The following CUX1 variants were observed in gnomAD, a reference collection of about 807,000 sequenced individuals.
CUX1 encodes cut like homeobox 1.
In CUX1, 31 loss-of-function variants were observed where a neutral mutation model predicts 158.8. That is an observed-to-expected ratio of 0.20 (90% CI 0.15 to 0.26). The LOEUF (loss-of-function observed/expected upper bound fraction) is 0.26, where lower values mean the gene tolerates loss of function less well. Ranked by LOEUF, CUX1 falls within the 10% of genes least tolerant of loss-of-function variation. The pLI is 1.00. For missense variants in CUX1, 1,589 were observed against 2,014.6 expected (o/e 0.79, Z 4.04); for synonymous variants, 879 against 862.1 (o/e 1.02, Z -0.34).
chr7:101,902,095 C>T (rs1802210455), intron 1 of CUX1, among the ~76,000 whole-genome samples: 2 of 152,192 alleles, frequency 1.3e-5, no homozygotes, highest in South Asian at 2.1e-4. Flanking sequence ...CTGATGACCT[C>T]GCCCCCTGTT....
Position 102,147,961 on chromosome 7 carries a change from G to A in CUX1, c.675-10599G>A, listed in dbSNP as rs575663257. ...ACTGCCCTCCAGCCTGGGTGACAGA[G>A]CGAGACTCCGTCTCAAAAATAAATA... On this transcript the variant is annotated intron_variant, in intron 8 of 23. Coordinates refer to ENST00000292535, the MANE Select transcript of CUX1 (RefSeq NM_181552.4). Among the ~76,000 whole-genome samples the A allele has an allele frequency of 2.2e-3, 337 of 152,324 alleles. 1 individual carries two copies. The highest frequency in any genetic ancestry group is 7.7e-3 in the African/African-American group (322 of 41,570).
At chr7:102,262,667 G>A (rs1375948374), downstream of CUX1, among the ~76,000 whole-genome samples, 2 of 152,144 alleles carry the variant, frequency 1.3e-5, no homozygotes, top group African/African-American at 4.8e-5. Flanking sequence ...GTGATGGGGT[G>A]GGACTGAGCC....
intron 5 of CUX1, among the ~76,000 whole-genome samples, chr7:102,102,473 C>T (rs1256134105): frequency 2.0e-5 from 3 of 149,248 alleles, no homozygotes; most frequent in Admixed American, 6.7e-5. Context: ...CACTAAGCCG[C>T]GTGGGTGTTA....
In CUX1 at chr7:101,932,506, A is replaced by G. The variant is rs80227294; in HGVS notation, c.141+16281A>G. On this transcript the variant is annotated intron_variant, in intron 2 of 23. Transcript: ENST00000292535. ...CGCAGCATTTTCAAGCCTTTTCTTG[A>G]GATCAGCTCGTTCAGTTACATGTGC... 1,499 of 428,704 alleles carry G rather than the reference A, an allele frequency of 3.5e-3. 7 individuals are homozygous for G. Among genetic ancestry groups the G allele is most frequent in the Non-Finnish European group, 5.8e-3 (1,206 of 209,354 alleles). The allele number at this position is 428,704 out of a possible 1,614,324, so 26.6% of individuals were successfully genotyped here.
At chr7:102,177,413 C>CA (rs1219318950) in intron 10 of CUX1, among the ~76,000 whole-genome samples, 1,794 of 105,966 alleles carry the variant, frequency 0.017, 25 homozygotes, top group African/African-American at 0.047. Flanking sequence ...AACTCTATCT[C>CA]AAAAAAAAAA....
chr7:101,869,542 G>A lies in CUX1; in HGVS notation c.31-46573G>A, dbSNP rs997732826. On this transcript the variant is annotated intron_variant, in intron 1 of 23. Coordinates refer to ENST00000292535, the MANE Select transcript of CUX1 (RefSeq NM_181552.4). This position sits in a 1 kb window ranked among gnomAD's most constrained non-coding sequence, Gnocchi z 4.5. ...GCTGTGGGGTGAGCACAGCATTTGC[G>A]GGGCGCGGGAAGGGAGTGGCTGGTG... 4.6e-5 allele frequency among the ~76,000 whole-genome samples: 7 copies of A among 152,180 alleles called. No homozygotes were observed. Among genetic ancestry groups the A allele is most frequent in the Admixed American group, 4.6e-4 (7 of 15,300 alleles).
intron 1 of CUX1, among the ~76,000 whole-genome samples, chr7:101,900,104 G>C (rs756686581): frequency 6.6e-6 from 1 of 152,150 alleles, no homozygotes. Context: ...CTGTTCCAGC[G>C]CCCAGAATGG....
intron 1 of CUX1, among the ~76,000 whole-genome samples, chr7:101,895,891 G>GTTTTT (rs66481506): frequency 4.4e-5 from 5 of 112,716 alleles, no homozygotes; most frequent in African/African-American, 1.8e-4. Flanking sequence ...CACCTGTAAA[G>GTTTTT]TTTTTTTTTT....
chr7:101,833,096 C>T (rs1012830956), intron 1 of CUX1, among the ~76,000 whole-genome samples: 4 of 152,092 alleles, frequency 2.6e-5, no homozygotes, highest in South Asian at 4.2e-4. Context: ...GAACGTGAAG[C>T]GTTCAAGGAT....
Position 102,227,623 on chromosome 7 carries a change from C to T in CUX1, c.3387C>T (p.Tyr1129=), listed in dbSNP as rs140452370. ...CCATGTCCCCGGAGCTGGACACCTACGGCATAACCAAGCGGGTGAAGGAGG... is the reference window on the plus strand; with the variant it reads ...CCATGTCCCCGGAGCTGGACACCTATGGCATAACCAAGCGGGTGAAGGAGG... ...LVAMSPELDT[Y]GITKRVKEVL... Residue 1129 remains tyrosine (Y), a synonymous_variant, in exon 21 of 24, where the codon TAC becomes TAT. Transcript: ENST00000292535. 2.4e-5 allele frequency: 38 copies of T among 1,613,770 alleles called. No homozygotes were observed. Among genetic ancestry groups the T allele is most frequent in the East Asian group, 4.5e-5 (2 of 44,884 alleles).
At chr7:101,964,020 C>T (rs1299285345) in intron 2 of CUX1, among the ~76,000 whole-genome samples, 5 of 151,946 alleles carry the variant, frequency 3.3e-5, no homozygotes, top group Non-Finnish European at 7.4e-5. Context: ...CCTGTGAGGT[C>T]GGGAGATCGG....
At chr7:101,832,406 A>C (rs963975225) in intron 1 of CUX1, among the ~76,000 whole-genome samples, 5 of 152,206 alleles carry the variant, frequency 3.3e-5, no homozygotes, top group Non-Finnish European at 1.5e-5. Context: ...GACATGGCAC[A>C]TCCAGCGAGC....
chr7:101,893,756 G>A (rs1343371073), intron 1 of CUX1, among the ~76,000 whole-genome samples: 1 of 152,222 alleles, frequency 6.6e-6, no homozygotes, highest in Non-Finnish European at 1.5e-5. Context: ...TCAGCACTAT[G>A]TAAATGAGAA....
chr7:101,847,078 C>T (rs78019024), intron 1 of CUX1, among the ~76,000 whole-genome samples: 4 of 152,140 alleles, frequency 2.6e-5, no homozygotes, highest in East Asian at 1.9e-4. Flanking sequence ...CAGGAGTTCG[C>T]GGCTGCAGCA....
Position 102,275,259 on chromosome 7 carries a change from C to T in CUX1, c.1463C>T (p.Pro488Leu). 3 of 1,609,088 alleles carry T rather than the reference C, an allele frequency of 1.9e-6. No homozygotes were observed. The Admixed American group carries it at 5.0e-5, about 27-fold the overall frequency. Reference sequence around the variant, plus strand: ...CTCTACCTGCTAGGACCTGCAGCACCAGCCAGCGGTGCCCTCCCAGAGGGC... The same window carrying T: ...CTCTACCTGCTAGGACCTGCAGCACTAGCCAGCGGTGCCCTCCCAGAGGGC... Residue 488 changes from proline to leucine, a missense_variant, in exon 17 of 23, where the codon CCA becomes CTA. Coordinates refer to the CUX1 transcript ENST00000292538.
intron 2 of CUX1, among the ~76,000 whole-genome samples, chr7:101,975,312 A>G (rs1812524962): frequency 6.6e-6 from 1 of 151,864 alleles, no homozygotes; most frequent in African/African-American, 2.4e-5. Flanking sequence ...TAATCTCAGC[A>G]CTTTGGGAGG....
At chr7:102,227,111 T>C (rs1450071002) in intron 20 of CUX1, among the ~76,000 whole-genome samples, 1 of 152,150 alleles carries the variant, frequency 6.6e-6, no homozygotes, top group East Asian at 1.9e-4. Context: ...AATGCCCTCA[T>C]GTTAAGCCTT....
chr7:102,245,892 A>G (rs1235860925), intron 23 of CUX1, among the ~76,000 whole-genome samples: 1 of 152,012 alleles, frequency 6.6e-6, no homozygotes, highest in Non-Finnish European at 1.5e-5. Flanking sequence ...GAATCATTTG[A>G]ACCCAAGAGG....
rs1797157024 is a variant in CUX1 at position 102,216,619 on chromosome 7, C to CACACACACACTCACACACACACTCCCCA, written c.3131-10748_3131-10747insACACACACACTCACACACACACTCCCCA. On this transcript the variant is annotated intron_variant, in intron 20 of 23. Transcript: ENST00000292535. ...ACTCCCACACACACACACACACTCC[C>CACACACACACTCACACACACACTCCCCA]CACACACACACCCCCACACACGCAC... Among the ~76,000 whole-genome samples, 9 of 73,984 alleles carry CACACACACACTCACACACACACTCCCCA rather than the reference C, an allele frequency of 1.2e-4. 1 individual carries two copies. Among genetic ancestry groups the CACACACACACTCACACACACACTCCCCA allele is most frequent in the African/African-American group, 4.8e-4 (9 of 18,674 alleles). The allele number at this position is 73,984 out of a possible 152,430, so 48.5% of individuals were successfully genotyped here.
Sources: gnomAD v4.1 joint callset for allele counts (sites outside exome capture counted in the v4.1 genomes callset) on GRCh38, gnomAD v4.1.1 for gene constraint, Gnocchi (gnomAD v3.1) non-coding constraint, MANE v1.5 for transcripts, NCBI Gene and HGNC (gene_info 2026-07-23, HGNC 2026-07-21) for gene names.